The following TXLNB variants were observed in gnomAD, a reference collection of about 807,000 sequenced individuals.
TXLNB encodes the protein taxilin beta.
TXLNB carries 37 observed loss-of-function variants against 57.4 expected under a neutral mutation model. That is an observed-to-expected ratio of 0.64 (90% CI 0.50 to 0.85). The LOEUF is 0.85. TXLNB is among the 40% of genes least tolerant of loss of function. The pLI is 0.00. For synonymous variants in TXLNB, 302 were observed against 309.6 expected, an observed-to-expected ratio of 0.98 and a Z score of 0.26; for missense variants, 848 against 825.6, an observed-to-expected ratio of 1.03 and a Z score of -0.33.
chr6:139,201,146 A>G, the TXLNB span, among the ~76,000 whole-genome samples: 16,368 of 152,208 alleles, frequency 0.11, 1,321 homozygotes, highest in African/African-American at 0.21. Flanking sequence ...CTTGCCACCA[A>G]ATTACCAAAC....
upstream of TXLNB, among the ~76,000 whole-genome samples, chr6:139,294,613 C>T (rs1243034846): frequency 1.5e-4 from 23 of 152,138 alleles, no homozygotes; most frequent in Admixed American, 1.5e-3. Flanking sequence ...GAGAAGAAGG[C>T]TTTGTACGAG....
intron 2 of TXLNB, among the ~76,000 whole-genome samples, chr6:139,283,772 T>C (rs1330140027): frequency 6.9e-6 from 1 of 145,468 alleles, no homozygotes; most frequent in Non-Finnish European, 1.5e-5. Context: ...GAAAATGTTG[T>C]AGTAGAGAGT....
At chr6:139,282,576 CA>C (rs1777081187) in intron 2 of TXLNB, among the ~76,000 whole-genome samples, 1 of 144,840 alleles carries the variant, frequency 6.9e-6, no homozygotes, top group Non-Finnish European at 1.5e-5. Flanking sequence ...GACTTTGTCT[CA>C]AAAAATAAAG....
the TXLNB span, among the ~76,000 whole-genome samples, chr6:139,300,952 A>C: frequency 1.3e-5 from 2 of 152,188 alleles, no homozygotes; most frequent in Non-Finnish European, 2.9e-5. Context: ...AAGGACTACA[A>C]AGGAAGCACC....
chr6:139,187,741 G>T, the TXLNB span, among the ~76,000 whole-genome samples: 1 of 152,160 alleles, frequency 6.6e-6, no homozygotes, highest in Non-Finnish European at 1.5e-5. Context: ...TCATCATAGT[G>T]TGGCTTTACA....
chr6:139,167,392 G>C, the TXLNB span: 4 of 1,288,810 alleles, frequency 3.1e-6, no homozygotes, highest in South Asian at 4.3e-5. Context: ...AAGACAGATT[G>C]CTCTATTTTG....
chr6:139,279,066 T>C (rs1171419109), intron 2 of TXLNB, among the ~76,000 whole-genome samples: 1 of 152,136 alleles, frequency 6.6e-6, no homozygotes, highest in African/African-American at 2.4e-5. Context: ...ATGAAAACAA[T>C]TTTTTGTGAC....
chr6:139,303,944 T>A, the TXLNB span, among the ~76,000 whole-genome samples: 1 of 151,448 alleles, frequency 6.6e-6, no homozygotes, highest in Non-Finnish European at 1.5e-5. Flanking sequence ...ATGTGCAAGA[T>A]AGCTTGAACT....
At chr6:139,253,895 GCT>G (rs1208532532) in intron 7 of TXLNB, among the ~76,000 whole-genome samples, 1 of 152,144 alleles carries the variant, frequency 6.6e-6, no homozygotes, top group East Asian at 1.9e-4. Flanking sequence ...TCCCCTCAAG[GCT>G]CTGTGTGGTG....
At chr6:139,315,950 A>G in the TXLNB span, among the ~76,000 whole-genome samples, 1 of 152,206 alleles carries the variant, frequency 6.6e-6, no homozygotes, top group Non-Finnish European at 1.5e-5. Flanking sequence ...CAGAATTTAA[A>G]ATGATACAGA....
chr6:139,297,113 A>G, the TXLNB span, among the ~76,000 whole-genome samples: 9 of 152,050 alleles, frequency 5.9e-5, no homozygotes, highest in South Asian at 1.0e-3. Flanking sequence ...CTGTTGAATC[A>G]TTTACCACTA....
At chr6:139,275,059 C>T (rs2114585437) in intron 3 of TXLNB, among the ~76,000 whole-genome samples, 1 of 152,204 alleles carries the variant, frequency 6.6e-6, no homozygotes, top group Admixed American at 6.5e-5. Context: ...TTCTACTGCT[C>T]TTTTGGAAAG....
chr6:139,256,090 TAAAG>T (rs1166455201), intron 6 of TXLNB, among the ~76,000 whole-genome samples: 1 of 151,794 alleles, frequency 6.6e-6, no homozygotes, highest in African/African-American at 2.4e-5. Context: ...TCTAAAAAAA[TAAAG>T]AAAAAGAAAG....
At chr6:139,264,600 C>G (rs1215059047) in intron 4 of TXLNB, among the ~76,000 whole-genome samples, 3 of 152,060 alleles carry the variant, frequency 2.0e-5, no homozygotes, top group African/African-American at 7.3e-5. Flanking sequence ...CACTCTGTCG[C>G]CCAGGCTGGA....
At chr6:139,213,998 C>T in the TXLNB span, among the ~76,000 whole-genome samples, 1 of 152,056 alleles carries the variant, frequency 6.6e-6, no homozygotes, top group African/African-American at 2.4e-5. Flanking sequence ...AGCTTACCAA[C>T]CAAAAAAAGT....
chr6:139,301,419 T>C, the TXLNB span, among the ~76,000 whole-genome samples: 1 of 152,206 alleles, frequency 6.6e-6, no homozygotes, highest in Non-Finnish European at 1.5e-5. Context: ...GACATGAGTG[T>C]GTGAGTAAGC....
chr6:139,262,499 G>T, intron 5 of TXLNB, 80 bp downstream of exon 5: 2 of 1,290,376 alleles, frequency 1.5e-6, no homozygotes, highest in Non-Finnish European at 1.1e-6. Flanking sequence ...GGCTGTAACT[G>T]TCTTATTAAC....
At chr6:139,266,288 T>A (rs75895283) in intron 4 of TXLNB, among the ~76,000 whole-genome samples, 6,463 of 152,236 alleles carry the variant, frequency 0.042, 169 homozygotes, top group Non-Finnish European at 0.053. Context: ...AAATGTGGAA[T>A]TAGCAGACAA....
chr6:139,310,679 G>A, the TXLNB span, among the ~76,000 whole-genome samples: 2 of 152,238 alleles, frequency 1.3e-5, no homozygotes, highest in East Asian at 3.9e-4. Flanking sequence ...AGACAAACAT[G>A]TCATTCTGTT....
Sources: gnomAD v4.1 joint callset for allele counts (sites outside exome capture counted in the v4.1 genomes callset) on GRCh38, gnomAD v4.1.1 for gene constraint, MANE v1.5 for transcripts, NCBI Gene and HGNC (gene_info 2026-07-23, HGNC 2026-07-21) for gene names.